RGS7BP: variants seen among roughly 807,000 people sequenced by gnomAD.
The protein encoded by RGS7BP is regulator of G protein signaling 7-binding protein.
RGS7BP carries 9 observed loss-of-function variants against 31.3 expected under a neutral mutation model. The ratio of observed to expected loss-of-function variants is 0.29; its 90% CI spans 0.17 to 0.50. RGS7BP has a LOEUF of 0.50. Ranked by LOEUF, RGS7BP falls within the 20% of genes least tolerant of loss-of-function variation. The pLI is 0.98. For synonymous variants in RGS7BP, 115 were observed against 120.1 expected (o/e 0.96, Z 0.28); for missense variants, 274 against 322.0 (o/e 0.85, Z 1.14).
chr5:64,565,697 A>T (rs1742152809), intron 2 of RGS7BP, among the ~76,000 whole-genome samples: 1 of 152,076 alleles, frequency 6.6e-6, no homozygotes, highest in Non-Finnish European at 1.5e-5. Flanking sequence ...CAACATGTTA[A>T]GGGTTGGGGA....
intron 2 of RGS7BP, among the ~76,000 whole-genome samples, chr5:64,534,252 TGG>T (rs1749448647): frequency 7.5e-6 from 1 of 133,584 alleles, no homozygotes; most frequent in African/African-American, 2.6e-5. Flanking sequence ...CCTGACAGAC[TGG>T]AGTGTGGTGA....
At chr5:64,536,266 G>C (rs898054662) in intron 2 of RGS7BP, among the ~76,000 whole-genome samples, 1 of 152,172 alleles carries the variant, frequency 6.6e-6, no homozygotes, top group Non-Finnish European at 1.5e-5. Flanking sequence ...AACTTCAACT[G>C]GGAGCAAGAG....
chr5:64,604,376 CT>C (rs1318097419), intron 5 of RGS7BP, among the ~76,000 whole-genome samples: 1 of 152,132 alleles, frequency 6.6e-6, no homozygotes, highest in Non-Finnish European at 1.5e-5. Flanking sequence ...GTATTCAGAT[CT>C]TTCTTACGGC....
intron 2 of RGS7BP, among the ~76,000 whole-genome samples, chr5:64,517,422 C>T (rs1749005385): frequency 1.3e-5 from 2 of 152,162 alleles, no homozygotes; most frequent in South Asian, 4.1e-4. Context: ...TCACAGTACC[C>T]AACCTATATT....
chr5:64,588,839 A>C (rs1372930263), intron 3 of RGS7BP, among the ~76,000 whole-genome samples: 1 of 152,198 alleles, frequency 6.6e-6, no homozygotes, highest in Non-Finnish European at 1.5e-5. Context: ...ACTGAGCCAG[A>C]GACTCCAATA....
intron 3 of RGS7BP, among the ~76,000 whole-genome samples, chr5:64,589,432 G>C (rs1561345906): frequency 6.6e-6 from 1 of 152,072 alleles, no homozygotes; most frequent in Non-Finnish European, 1.5e-5. Context: ...CATTCTTTCT[G>C]GTGTGATGCA....
intron 5 of RGS7BP, among the ~76,000 whole-genome samples, chr5:64,606,233 A>T (rs977150443): frequency 6.6e-6 from 1 of 151,986 alleles, no homozygotes; most frequent in Non-Finnish European, 1.5e-5. Context: ...CAAAAACAAG[A>T]CAGTGGAACT....
chr5:64,586,442 C>A (rs1248709772), intron 3 of RGS7BP, among the ~76,000 whole-genome samples: 1 of 150,822 alleles, frequency 6.6e-6, no homozygotes, highest in East Asian at 1.9e-4. Context: ...CCTCACCCTA[C>A]CCCTGTCCCT....
chr5:64,579,543 C>CAAAAAAAAAA (rs34003776), intron 3 of RGS7BP, among the ~76,000 whole-genome samples: 2 of 53,310 alleles, frequency 3.8e-5, no homozygotes, highest in Non-Finnish European at 6.1e-5. Flanking sequence ...GACTCCATCT[C>CAAAAAAAAAA]AAAAAAAAAA....
At chr5:64,527,654 T>C (rs1749266491) in intron 2 of RGS7BP, among the ~76,000 whole-genome samples, 1 of 128,156 alleles carries the variant, frequency 7.8e-6, no homozygotes, top group South Asian at 2.6e-4. Context: ...AGGAATGTTC[T>C]AAATATCCAA....
chr5:64,555,943 C>T (rs1741912889), intron 2 of RGS7BP, among the ~76,000 whole-genome samples: 1 of 152,212 alleles, frequency 6.6e-6, no homozygotes, highest in East Asian at 1.9e-4. Flanking sequence ...AAGCTAGTGG[C>T]TACCATATTG....
At chr5:64,515,770 G>A (rs897663715) in intron 2 of RGS7BP, among the ~76,000 whole-genome samples, 5 of 151,360 alleles carry the variant, frequency 3.3e-5, no homozygotes, top group Non-Finnish European at 7.4e-5. Flanking sequence ...TTATTTGTGA[G>A]ATTGACTCTG....
chr5:64,555,052 G>A (rs752262526), intron 2 of RGS7BP, among the ~76,000 whole-genome samples: 4 of 152,172 alleles, frequency 2.6e-5, no homozygotes, highest in East Asian at 1.9e-4. Context: ...AGACCAGAAT[G>A]AGAAGATCCA....
At position 64,610,453 on chromosome 5, in the gene RGS7BP, G is replaced by A. The variant is rs1418811993; in HGVS notation, c.*1201G>A. On this transcript the variant is annotated 3_prime_UTR_variant, in exon 6 of 6. Coordinates refer to ENST00000334025, the MANE Select transcript of RGS7BP (RefSeq NM_001029875.3). ...CCATTTCCCAGACAGAATTTCCCAT[G>A]GGTTGAGAGATCAAGTCTTTGCACT... 6.6e-6 allele frequency: 1 copy of A among 151,868 alleles called. No individual in the cohort carries two copies. Among genetic ancestry groups the A allele is most frequent in the Admixed American group, 6.6e-5 (1 of 15,224 alleles). 9.4% of individuals were successfully genotyped at this position (151,868 alleles called of 1,614,324 possible). A position where few individuals can be genotyped will look rare whatever the true frequency, so the allele number is the denominator to read the frequency against.
At chr5:64,562,918 C>T (rs565622379) in intron 2 of RGS7BP, among the ~76,000 whole-genome samples, 15 of 152,220 alleles carry the variant, frequency 9.9e-5, no homozygotes, top group African/African-American at 3.6e-4. Flanking sequence ...ATGAGTAAAA[C>T]TTCCTGTTCC....
chr5:64,598,963 G>C (rs995343214), intron 5 of RGS7BP, among the ~76,000 whole-genome samples: 1 of 152,196 alleles, frequency 6.6e-6, no homozygotes, highest in African/African-American at 2.4e-5. Flanking sequence ...CACACAGACT[G>C]TAAGTAGAAA....
chr5:64,606,370 A>G lies in RGS7BP; in HGVS notation c.683-2791A>G, dbSNP rs141422624. ...TTCTATAATGTATAAAGACCACTTC[A>G]GTCTCTCCCCAAATTAGATGTCTTT... On this transcript the variant is annotated intron_variant, in intron 5 of 5. Coordinates refer to ENST00000334025, the MANE Select transcript of RGS7BP (RefSeq NM_001029875.3). Among the ~76,000 whole-genome samples, 622 of 152,182 alleles carry G rather than the reference A, an allele frequency of 4.1e-3. 1 individual carries two copies. The highest frequency in any genetic ancestry group is 0.014 in the African/African-American group (600 of 41,548).
chr5:64,547,281 A>G (rs1741681397), intron 2 of RGS7BP, among the ~76,000 whole-genome samples: 1 of 152,230 alleles, frequency 6.6e-6, no homozygotes, highest in South Asian at 2.1e-4. Flanking sequence ...CATAGGGTTG[A>G]TATATATTTA....
intron 1 of RGS7BP, among the ~76,000 whole-genome samples, chr5:64,507,424 A>G (rs1039300697): frequency 6.6e-6 from 1 of 152,148 alleles, no homozygotes; most frequent in Admixed American, 6.5e-5. Context: ...TAGCGCTCCA[A>G]ATATGCTCTC....
Sources: gnomAD v4.1 joint callset for allele counts (sites outside exome capture counted in the v4.1 genomes callset) on GRCh38, gnomAD v4.1.1 for gene constraint, MANE v1.5 for transcripts, NCBI Gene and HGNC (gene_info 2026-07-23, HGNC 2026-07-21) for gene names.